BANK1: variants seen among roughly 807,000 people sequenced by gnomAD.
The protein encoded by BANK1 is B cell scaffold protein with ankyrin repeats 1, also known as B-cell scaffold protein with ankyrin repeats.
A neutral mutation model predicts 94.5 loss-of-function variants in BANK1; 95 were observed. The observed-to-expected ratio is 1.00, with a 90% CI of 0.85 to 1.19. BANK1 has a LOEUF of 1.19. Among genes scored for constraint, BANK1 ranks in the 50% most tolerant of loss-of-function variants. The probability of loss-of-function intolerance (pLI) is 0.00; values close to 1 mark genes in which losing one functional copy is unlikely to be tolerated. For synonymous variants in BANK1, 334 were observed against 308.4 expected (o/e 1.08, Z -0.87); for missense variants, 987 against 932.2 (o/e 1.06, Z -0.77).
At chr4:101,998,072 G>A (rs1725940719) in intron 7 of BANK1, among the ~76,000 whole-genome samples, 1 of 152,018 alleles carries the variant, frequency 6.6e-6, no homozygotes, top group South Asian at 2.1e-4. Flanking sequence ...AAATTCCCCT[G>A]TAAACACTGC....
At chr4:102,001,561 C>A (rs1050515676) in intron 7 of BANK1, among the ~76,000 whole-genome samples, 1 of 152,176 alleles carries the variant, frequency 6.6e-6, no homozygotes, top group Non-Finnish European at 1.5e-5. Context: ...GATTGTGCCA[C>A]TGCACTCCAG....
chr4:101,829,884 A>G lies in BANK1; in HGVS notation c.147A>G (p.Leu49=). 2 of 1,612,764 alleles carry G rather than the reference A, an allele frequency of 1.2e-6. No homozygotes were observed. The highest frequency in any genetic ancestry group is 1.7e-6 in the Non-Finnish European group (2 of 1,179,020). The change falls in exon 2 of 17, where the codon TTA becomes TTG. Residue 49 remains leucine, a synonymous_variant. Transcript: ENST00000322953. ...EWALYLTEVF[L]HVVKREAILL... ...CTCTGTACTTGACAGAAGTATTTTT[A>G]CATGTTGTGAAAAGGGAAGCCATCC... is the stretch of plus-strand genomic sequence containing the variant.
At chr4:102,073,902 C>T in intron 16 of BANK1, 103 bp from the exon 17 acceptor site, 2 of 568,332 alleles carry the variant, frequency 3.5e-6, no homozygotes, top group Non-Finnish European at 3.0e-6. Context: ...AAGGTGATTG[C>T]TCTGTAGAAA....
intron 11 of BANK1, among the ~76,000 whole-genome samples, chr4:102,059,927 T>C (rs1403556243): frequency 6.6e-6 from 1 of 152,180 alleles, no homozygotes; most frequent in African/African-American, 2.4e-5. Context: ...GAAGACAAAA[T>C]TGGCACTGCC....
At chr4:102,071,028 A>G (rs1156594873) in intron 13 of BANK1, among the ~76,000 whole-genome samples, 1 of 152,244 alleles carries the variant, frequency 6.6e-6, no homozygotes, top group East Asian at 1.9e-4. Context: ...AATGTCAAAC[A>G]TATCTAAAAT....
At chr4:101,936,392 C>CAT (rs1412105732) in intron 7 of BANK1, among the ~76,000 whole-genome samples, 1 of 149,512 alleles carries the variant, frequency 6.7e-6, no homozygotes, top group African/African-American at 2.4e-5. Flanking sequence ...TGCATACATG[C>CAT]ATGTATATAT....
chr4:101,829,257 A>C (rs1422052660), intron 1 of BANK1, among the ~76,000 whole-genome samples: 2 of 152,114 alleles, frequency 1.3e-5, no homozygotes, highest in Non-Finnish European at 2.9e-5. Flanking sequence ...AAGGATTTTA[A>C]AAATTATTAA....
intron 15 of BANK1, 38 bp downstream of exon 15, chr4:102,072,438 G>A: frequency 6.9e-7 from 1 of 1,445,364 alleles, no homozygotes; most frequent in Non-Finnish European, 9.7e-7. Flanking sequence ...AAAATGCAAA[G>A]AAATAACTTC....
intron 6 of BANK1, among the ~76,000 whole-genome samples, chr4:101,910,159 G>A (rs1412276268): frequency 6.6e-6 from 1 of 152,006 alleles, no homozygotes; most frequent in African/African-American, 2.4e-5. Flanking sequence ...TCAGATTGCT[G>A]CCATCTCTCT....
At chr4:102,007,019 A>C (rs1183813914) in intron 7 of BANK1, among the ~76,000 whole-genome samples, 1 of 139,864 alleles carries the variant, frequency 7.1e-6, no homozygotes, top group African/African-American at 2.6e-5. Context: ...AAGTCAGAAA[A>C]AGAATACTAT....
chr4:101,901,188 G>A (rs994641126), intron 6 of BANK1, among the ~76,000 whole-genome samples: 2 of 152,104 alleles, frequency 1.3e-5, no homozygotes, highest in African/African-American at 2.4e-5. Context: ...TTGGTTTCTC[G>A]TGAAACTCAG....
intron 7 of BANK1, among the ~76,000 whole-genome samples, chr4:102,003,899 G>GTGTATATATGTATGTATACATATA (rs1474942828): frequency 1.3e-5 from 2 of 150,262 alleles, no homozygotes; most frequent in African/African-American, 2.5e-5. Flanking sequence ...ACATATATGT[G>GTGTATATATGTATGTATACATATA]TGTATATATG....
At chr4:102,066,188 A>T (rs1054599632) in intron 13 of BANK1, among the ~76,000 whole-genome samples, 1 of 152,102 alleles carries the variant, frequency 6.6e-6, no homozygotes, top group African/African-American at 2.4e-5. Context: ...CACACGTTAC[A>T]TATAAAGGAA....
At chr4:101,847,767 A>G (rs1727308637) in intron 2 of BANK1, among the ~76,000 whole-genome samples, 1 of 149,488 alleles carries the variant, frequency 6.7e-6, no homozygotes, top group Admixed American at 6.6e-5. Context: ...ACACACACAC[A>G]CACACACATA....
intron 2 of BANK1, among the ~76,000 whole-genome samples, chr4:101,833,179 A>G (rs1435662593): frequency 2.0e-5 from 3 of 152,064 alleles, no homozygotes; most frequent in Admixed American, 6.5e-5. Context: ...CGGTTTCTCC[A>G]TGTTGGTCTG....
At position 101,790,961 on chromosome 4, in the gene BANK1, G is replaced by A; in HGVS notation, c.70+11G>A. ...GCCCAGCGCCCCCAGGTGGGTAGTC[G>A]CGCATTCGGAGGGGCTTGACGCCGA... On this transcript the variant is annotated intron_variant, in intron 1 of 16. Transcript: ENST00000322953. The A allele has an allele frequency of 1.3e-6, 2 of 1,499,036 alleles. No homozygotes were observed. Among genetic ancestry groups the A allele is most frequent in the Non-Finnish European group, 1.8e-6 (2 of 1,130,374 alleles). 92.9% of individuals were successfully genotyped at this position (1,499,036 alleles called of 1,614,324 possible).
intron 7 of BANK1, among the ~76,000 whole-genome samples, chr4:101,992,588 G>A (rs1725746429): frequency 6.6e-6 from 1 of 152,112 alleles, no homozygotes; most frequent in South Asian, 2.1e-4. Flanking sequence ...AAAGCACATA[G>A]AAACATTATT....
intron 2 of BANK1, among the ~76,000 whole-genome samples, chr4:101,831,702 T>G (rs1284586231): frequency 1.3e-5 from 2 of 152,212 alleles, no homozygotes; most frequent in Admixed American, 1.3e-4. Flanking sequence ...CTCAAACTCC[T>G]AACCTCAAGT....
At chr4:102,039,027 C>T (rs1202730336) in intron 10 of BANK1, among the ~76,000 whole-genome samples, 1 of 152,148 alleles carries the variant, frequency 6.6e-6, no homozygotes, top group Admixed American at 6.6e-5. Flanking sequence ...TCCATCTCTG[C>T]TTATCTGAAT....
Sources: gnomAD v4.1 joint callset for allele counts (sites outside exome capture counted in the v4.1 genomes callset) on GRCh38, gnomAD v4.1.1 for gene constraint, MANE v1.5 for transcripts, NCBI Gene and HGNC (gene_info 2026-07-23, HGNC 2026-07-21) for gene names.